The following MINDY4 variants were observed in gnomAD, a reference collection of about 807,000 sequenced individuals.
MINDY4 encodes probable ubiquitin carboxyl-terminal hydrolase MINDY-4.
MINDY4 carries 68 observed loss-of-function variants against 87.0 expected under a neutral mutation model. The ratio of observed to expected loss-of-function variants is 0.78; its 90% CI spans 0.64 to 0.96. The LOEUF is 0.96. MINDY4 is among the 40% of genes least tolerant of loss of function. The pLI, the probability that MINDY4 is intolerant of heterozygous loss-of-function variation, is 0.00. For missense variants in MINDY4, 919 were observed against 928.2 expected (o/e 0.99, Z 0.13); for synonymous variants, 379 against 363.2 (o/e 1.04, Z -0.50).
chr7:30,785,103 T>G (rs972322987), intron 3 of MINDY4, among the ~76,000 whole-genome samples: 7 of 151,638 alleles, frequency 4.6e-5, no homozygotes, highest in Non-Finnish European at 8.8e-5. Context: ...GATCCACACT[T>G]TATTCAATGG....
chr7:30,845,944 G>T (rs1008980378), intron 9 of MINDY4, among the ~76,000 whole-genome samples: 2 of 152,182 alleles, frequency 1.3e-5, no homozygotes, highest in African/African-American at 4.8e-5. Context: ...AGGCTGTGCC[G>T]GCTTGGCTCA....
chr7:30,817,134 G>A lies in MINDY4; in HGVS notation c.1074-11545G>A, dbSNP rs556847592. 1.9e-3 allele frequency among the ~76,000 whole-genome samples: 291 copies of A among 152,244 alleles called. 2 individuals carry two copies. The highest frequency in any genetic ancestry group is 6.8e-3 in the African/African-American group (283 of 41,536). ...GCTCAGAGTCCCACTGAGCTCCCAG[G>A]AGATGAAGACACTGAAGAACTCCCA... is the stretch of plus-strand genomic sequence containing the variant. On this transcript the variant is annotated intron_variant, in intron 5 of 17. Transcript: ENST00000265299.
intron 15 of MINDY4, among the ~76,000 whole-genome samples, chr7:30,876,426 A>C (rs1562563854): frequency 6.6e-6 from 1 of 152,162 alleles, no homozygotes; most frequent in Non-Finnish European, 1.5e-5. Flanking sequence ...GATTCAACAC[A>C]TCTTTTTGGA....
chr7:30,833,849 G>T (rs936823643), intron 6 of MINDY4, among the ~76,000 whole-genome samples: 2 of 152,226 alleles, frequency 1.3e-5, no homozygotes, highest in African/African-American at 4.8e-5. Context: ...ATCCAGCAGG[G>T]CAGTCAAATC....
intron 5 of MINDY4, 108 bp downstream of exon 5, chr7:30,791,682 C>G: frequency 5.7e-6 from 7 of 1,220,754 alleles, no homozygotes; most frequent in African/African-American, 1.5e-5. Context: ...TCCTTGGTCT[C>G]TCAGAACAAG....
intron 9 of MINDY4, among the ~76,000 whole-genome samples, chr7:30,847,266 A>C (rs1789250882): frequency 1.3e-5 from 2 of 152,230 alleles, no homozygotes; most frequent in African/African-American, 4.8e-5. Context: ...CCAGGGAAGA[A>C]TAGAGAGACT....
intron 9 of MINDY4, among the ~76,000 whole-genome samples, chr7:30,850,158 G>A (rs1789363938): frequency 6.6e-6 from 1 of 152,130 alleles, no homozygotes; most frequent in Admixed American, 6.5e-5. Flanking sequence ...CACACTTCTG[G>A]GCCCCACCAA....
chr7:30,780,868 C>G (rs1433211054), intron 2 of MINDY4: 1 of 152,216 alleles, frequency 6.6e-6, no homozygotes, highest in Non-Finnish European at 1.5e-5. Flanking sequence ...GATCTTTCCC[C>G]TAACTCTCTT....
intron 13 of MINDY4, among the ~76,000 whole-genome samples, chr7:30,859,602 A>C (rs1315454730): frequency 6.6e-6 from 1 of 152,074 alleles, no homozygotes; most frequent in East Asian, 1.9e-4. Flanking sequence ...ACTGCAGTGC[A>C]TGCACACTTG....
intron 1 of MINDY4, among the ~76,000 whole-genome samples, chr7:30,774,035 C>T (rs1345395276): frequency 2.0e-5 from 3 of 152,220 alleles, no homozygotes; most frequent in African/African-American, 7.2e-5. Context: ...TGGAGAGAAA[C>T]ACACACCACT....
chr7:30,870,227 C>T lies in MINDY4; in HGVS notation c.1746-2016C>T, dbSNP rs571157506. Among the ~76,000 whole-genome samples, 5 of 152,194 alleles carry T rather than the reference C, an allele frequency of 3.3e-5. No homozygotes were observed. The South Asian group carries it at 1.0e-3, about 31-fold the overall frequency. ...GGCTCTCGAGCCCGCTGGGTGAACACGAGGTAATGATCTTATGAAGATTGG... is the reference window on the plus strand; with the variant it reads ...GGCTCTCGAGCCCGCTGGGTGAACATGAGGTAATGATCTTATGAAGATTGG... On this transcript the variant is annotated intron_variant, in intron 13 of 17. Transcript: ENST00000265299.
intron 17 of MINDY4, among the ~76,000 whole-genome samples, chr7:30,885,655 A>G (rs1043484810): frequency 6.6e-6 from 1 of 152,140 alleles, no homozygotes; most frequent in Non-Finnish European, 1.5e-5. Context: ...AGTGATGCTG[A>G]TGCTGCTGGT....
chr7:30,813,502 C>T (rs1788066860), intron 5 of MINDY4, among the ~76,000 whole-genome samples: 1 of 152,192 alleles, frequency 6.6e-6, no homozygotes, highest in South Asian at 2.1e-4. Context: ...TTTCCATTCA[C>T]AGCCACCTGT....
chr7:30,842,497 C>T (rs1460102602), intron 9 of MINDY4, among the ~76,000 whole-genome samples: 1 of 152,188 alleles, frequency 6.6e-6, no homozygotes, highest in Admixed American at 6.5e-5. Flanking sequence ...CACATATGCA[C>T]CTACCTACCT....
chr7:30,820,068 A>AT (rs1224538772), intron 5 of MINDY4, among the ~76,000 whole-genome samples: 1 of 150,372 alleles, frequency 6.7e-6, no homozygotes, highest in Non-Finnish European at 1.5e-5. Flanking sequence ...CGCCCGGCTA[A>AT]TTTTTTGTAT....
At chr7:30,846,851 A>G (rs1353742132) in intron 9 of MINDY4, among the ~76,000 whole-genome samples, 5 of 152,202 alleles carry the variant, frequency 3.3e-5, no homozygotes, top group Non-Finnish European at 5.9e-5. Flanking sequence ...GATCCCTCGC[A>G]TGCACAATTC....
In MINDY4 at chr7:30,849,580, C is replaced by T. The variant is rs117849950; in HGVS notation, c.1446-874C>T. Among the ~76,000 whole-genome samples, 341 of 152,294 alleles carry T rather than the reference C, an allele frequency of 2.2e-3. 1 individual carries two copies. Among genetic ancestry groups the T allele is most frequent in the East Asian group, 0.013 (68 of 5,172 alleles). On this transcript the variant is annotated intron_variant, in intron 9 of 17. Coordinates refer to ENST00000265299, the MANE Select transcript of MINDY4 (RefSeq NM_032222.3). ...CTGACTGCCTGTCCATTTGATCCTA[C>T]GACTGTGTCGTGGCACTCTCTCCTC... is the stretch of plus-strand genomic sequence containing the variant.
chr7:30,831,465 CA>C (rs1215222558), intron 6 of MINDY4, among the ~76,000 whole-genome samples: 2 of 152,114 alleles, frequency 1.3e-5, no homozygotes, highest in Non-Finnish European at 2.9e-5. Context: ...AAGATAAGGA[CA>C]TATTCCTGTA....
chr7:30,830,979 A>G (rs1788684413), intron 6 of MINDY4, among the ~76,000 whole-genome samples: 1 of 152,204 alleles, frequency 6.6e-6, no homozygotes, highest in Non-Finnish European at 1.5e-5. Context: ...GCTGTGCTAA[A>G]GAGCTGGACA....
Sources: gnomAD v4.1 joint callset for allele counts (sites outside exome capture counted in the v4.1 genomes callset) on GRCh38, gnomAD v4.1.1 for gene constraint, MANE v1.5 for transcripts, NCBI Gene and HGNC (gene_info 2026-07-23, HGNC 2026-07-21) for gene names.